Variants in FRMPD2 observed in about 807,000 individuals in gnomAD.
FRMPD2 encodes the protein FERM and PDZ domain-containing protein 2.
Under a neutral mutation model 140.1 loss-of-function variants are expected in FRMPD2, and 96 were observed. That is an observed-to-expected ratio of 0.69 (90% CI 0.58 to 0.81). The LOEUF (loss-of-function observed/expected upper bound fraction) is 0.81. Ranked by LOEUF, FRMPD2 falls within the 40% of genes least tolerant of loss-of-function variation. The pLI is 0.00. For missense variants in FRMPD2, 1,240 were observed against 1,447.4 expected (o/e 0.86, Z 2.32); for synonymous variants, 449 against 547.6 (o/e 0.82, Z 2.52).
At chr10:48,271,006 G>C (rs1442102231) in intron 1 of FRMPD2, among the ~76,000 whole-genome samples, 4 of 152,152 alleles carry the variant, frequency 2.6e-5, no homozygotes, top group African/African-American at 9.7e-5. Context: ...GTCTTGCAGA[G>C]TCCTCTTCCT....
Position 48,185,635 on chromosome 10 carries a change from A to C in FRMPD2, c.2277T>G (p.Asn759Lys). The C allele has an allele frequency of 6.2e-7, 1 of 1,613,310 alleles. No homozygotes were observed. Among genetic ancestry groups the C allele is most frequent in the African/African-American group, 1.3e-5 (1 of 75,024 alleles). The stretch of plus-strand genomic sequence containing the variant: ...CAGCTATAAAGCTCTTCCTCCTATT[A>C]TTCTTTGAGCCTAGAGGTAGAATCA... ...PVQSMHAGSKNNRRKSFIAEP... is the reference protein window; with the variant it reads ...PVQSMHAGSKKNRRKSFIAEP... Residue 759 changes from asparagine to lysine, a missense_variant, in exon 18 of 29, where the codon AAT (asparagine) becomes AAG (lysine). Physicochemically the swap from Asn to Lys is moderately conservative, Grantham distance 94 (BLOSUM62 0). Coordinates refer to ENST00000374201, the MANE Select transcript of FRMPD2 (RefSeq NM_001018071.4).
intron 5 of FRMPD2, 37 bp downstream of exon 5, chr10:48,242,124 A>G (rs1291970055): frequency 1.4e-6 from 2 of 1,444,018 alleles, no homozygotes; most frequent in African/African-American, 2.8e-5. Context: ...ACACATGACC[A>G]GCAGCTACTG....
chr10:48,253,662 A>G (rs1204558638), intron 1 of FRMPD2, among the ~76,000 whole-genome samples: 1 of 152,220 alleles, frequency 6.6e-6, no homozygotes, highest in Non-Finnish European at 1.5e-5. Context: ...AAAATTGTGC[A>G]AATTTGTTGC....
intron 21 of FRMPD2, chr10:48,179,026 G>A (rs1234551712): frequency 6.6e-6 from 1 of 150,464 alleles, no homozygotes; most frequent in Non-Finnish European, 1.5e-5. Flanking sequence ...TCAGGACACT[G>A]CCTGGCACAC....
chr10:48,226,267 C>A (rs944958808), intron 10 of FRMPD2, among the ~76,000 whole-genome samples: 9 of 152,172 alleles, frequency 5.9e-5, no homozygotes, highest in African/African-American at 2.2e-4. Context: ...TGCCTTAATG[C>A]AAATATCTCA....
chr10:48,190,973 C>G (rs1414747314), intron 16 of FRMPD2, among the ~76,000 whole-genome samples: 1 of 152,174 alleles, frequency 6.6e-6, no homozygotes, highest in African/African-American at 2.4e-5. Context: ...AGTTGGGTGA[C>G]AAATGAAAGA....
chr10:48,220,218 T>C (rs528726948), intron 12 of FRMPD2, among the ~76,000 whole-genome samples: 1 of 152,280 alleles, frequency 6.6e-6, no homozygotes, highest in South Asian at 2.1e-4. Flanking sequence ...CAGAACAGCA[T>C]GGTACTGGTA....
In FRMPD2 at chr10:48,251,690, G is replaced by A. The variant is rs1261587365; in HGVS notation, c.27C>T (p.Gly9=). The A allele has an allele frequency of 1.9e-6, 3 of 1,614,146 alleles. No homozygotes were observed. Among genetic ancestry groups the A allele is most frequent in the Non-Finnish European group, 2.5e-6 (3 of 1,179,988 alleles). ...CCAGCGTCACAGAGGACAGGCTCAT[G>A]CCTACAATAAAGACATGCATGTGAC... The part of the protein sequence containing the change: MQPLTKDA[G]MSLSSVTLAS... The change falls in exon 2 of 29, where the codon GGC becomes GGT. Residue 9 remains glycine, a splice_region_variant and synonymous_variant. Transcript: ENST00000374201.
At chr10:48,240,830 G>A (rs181547367) in intron 5 of FRMPD2, among the ~76,000 whole-genome samples, 15 of 152,248 alleles carry the variant, frequency 9.9e-5, no homozygotes, top group South Asian at 4.1e-4. Context: ...TACCTCTGCC[G>A]TCTGATCACC....
chr10:48,219,418 T>C (rs1249948759), intron 12 of FRMPD2, among the ~76,000 whole-genome samples: 1 of 152,092 alleles, frequency 6.6e-6, no homozygotes, highest in Non-Finnish European at 1.5e-5. Flanking sequence ...TGGTGGAGAC[T>C]TCCCCTCCCT....
intron 7 of FRMPD2, among the ~76,000 whole-genome samples, chr10:48,238,664 C>T (rs1840026034): frequency 6.6e-6 from 1 of 152,198 alleles, no homozygotes; most frequent in African/African-American, 2.4e-5. Context: ...CAGCCCTCAA[C>T]AGGTCACCAT....
chr10:48,224,203 A>AC (rs1201253023), intron 10 of FRMPD2, among the ~76,000 whole-genome samples: 1 of 133,538 alleles, frequency 7.5e-6, no homozygotes, highest in Non-Finnish European at 1.6e-5. Flanking sequence ...CCCCTCCCCC[A>AC]CCCCTCTGCT....
chr10:48,216,641 G>C (rs895622536), intron 12 of FRMPD2, among the ~76,000 whole-genome samples: 41 of 152,338 alleles, frequency 2.7e-4, no homozygotes, highest in African/African-American at 9.6e-4. Flanking sequence ...TAGAAGGAAA[G>C]CTTGCAAGCA....
At chr10:48,186,537 G>A (rs1468988672) in intron 17 of FRMPD2, among the ~76,000 whole-genome samples, 6 of 152,044 alleles carry the variant, frequency 3.9e-5, no homozygotes, top group Non-Finnish European at 8.8e-5. Flanking sequence ...CGGGGTTTCC[G>A]CTTTTGTTTC....
chr10:48,205,174 A>G (rs1839176110), intron 14 of FRMPD2, among the ~76,000 whole-genome samples: 1 of 152,264 alleles, frequency 6.6e-6, no homozygotes, highest in Non-Finnish European at 1.5e-5. Flanking sequence ...TGGTGACATT[A>G]CTTCATCTGA....
chr10:48,206,890 A>G lies in FRMPD2; in HGVS notation c.1655T>C (p.Val552Ala), dbSNP rs759919017. 1 of 1,614,008 alleles carries G rather than the reference A, an allele frequency of 6.2e-7. No individual in the cohort carries two copies. The highest frequency in any genetic ancestry group is 8.5e-7 in the Non-Finnish European group (1 of 1,179,936). Residue 552 changes from valine (V) to alanine (A), a missense_variant, in exon 14 of 29, where the codon GTA becomes GCA. Physicochemically the swap from Val to Ala is moderately conservative, Grantham distance 64. Coordinates refer to ENST00000374201, the MANE Select transcript of FRMPD2 (RefSeq NM_001018071.4). ...TTCTGGCCTCCTCTTCTCTGAGAAT[A>G]CTTGGTGAACCAGCACACCGTATTC... Reference protein sequence around the residue: ...LPEYGVLVHQVFSEKRRPEEE... With the variant: ...LPEYGVLVHQAFSEKRRPEEE...
At chr10:48,173,449 C>G (rs1838320365) in intron 24 of FRMPD2, among the ~76,000 whole-genome samples, 1 of 150,982 alleles carries the variant, frequency 6.6e-6, no homozygotes, top group Non-Finnish European at 1.5e-5. Flanking sequence ...CCAGCTCTCC[C>G]CCATCTGGTT....
intron 1 of FRMPD2, among the ~76,000 whole-genome samples, chr10:48,259,622 ATGTG>A (rs919226840): frequency 1.3e-4 from 19 of 145,730 alleles, no homozygotes; most frequent in Non-Finnish European, 1.5e-5. Flanking sequence ...TAGTACATGA[ATGTG>A]TGTGTGTAAG....
intron 12 of FRMPD2, among the ~76,000 whole-genome samples, 161 bp from the exon 13 acceptor site, chr10:48,212,270 A>T (rs1364468091): frequency 6.6e-6 from 1 of 152,164 alleles, no homozygotes; most frequent in Non-Finnish European, 1.5e-5. Flanking sequence ...CTATATTAAA[A>T]ACGGGGCCAA....
Sources: allele counts gnomAD v4.1 joint callset (sites outside exome capture counted in the v4.1 genomes callset), GRCh38; gene constraint gnomAD v4.1.1; transcripts MANE v1.5; gene names NCBI Gene and HGNC (gene_info 2026-07-23, HGNC 2026-07-21).